The following MERTK variants were observed in gnomAD, a reference collection of about 807,000 sequenced individuals.
The protein encoded by MERTK is tyrosine-protein kinase Mer.
A neutral mutation model predicts 99.3 loss-of-function variants in MERTK; 69 were observed. The observed-to-expected ratio is 0.70, with a 90% CI of 0.57 to 0.85. The LOEUF (loss-of-function observed/expected upper bound fraction) is 0.85. Among genes scored for constraint, MERTK ranks in the 40% least tolerant of loss-of-function variants. The pLI is 0.00. For missense variants in MERTK, 1,125 were observed against 1,249.4 expected, an observed-to-expected ratio of 0.90 and a Z score of 1.50; for synonymous variants, 426 against 467.6, an observed-to-expected ratio of 0.91 and a Z score of 1.15.
chr2:112,005,098 C>T (rs983817706), intron 13 of MERTK, among the ~76,000 whole-genome samples: 8 of 151,956 alleles, frequency 5.3e-5, no homozygotes, highest in African/African-American at 1.7e-4. Context: ...GATGGAGTCT[C>T]ACTGTGTCAC....
chr2:111,965,082 C>A, intron 4 of MERTK, 109 bp from the exon 5 acceptor site: 1 of 1,101,886 alleles, frequency 9.1e-7, no homozygotes, highest in Non-Finnish European at 1.3e-6. Context: ...GCACTAATGC[C>A]CAAAAGCCAT....
intron 7 of MERTK, 61 bp downstream of exon 7, chr2:111,975,533 C>A: frequency 6.4e-7 from 1 of 1,554,702 alleles, no homozygotes; most frequent in Non-Finnish European, 8.9e-7. Context: ...ACAAACCCTT[C>A]CCAGTGGCCT....
intron 4 of MERTK, among the ~76,000 whole-genome samples, chr2:111,956,940 C>A (rs1573599071): frequency 7.2e-6 from 1 of 137,964 alleles, no homozygotes; most frequent in Non-Finnish European, 1.6e-5. Flanking sequence ...TTCTTTTTTT[C>A]TTTTTTCTTT....
intron 8 of MERTK, among the ~76,000 whole-genome samples, chr2:111,985,373 C>T (rs1313080497): frequency 1.3e-5 from 2 of 152,082 alleles, no homozygotes; most frequent in African/African-American, 2.4e-5. Flanking sequence ...GGTATTGCTG[C>T]CTCCTTTTGT....
At chr2:112,017,555 G>A (rs1677243767) in intron 15 of MERTK, among the ~76,000 whole-genome samples, 1 of 151,968 alleles carries the variant, frequency 6.6e-6, no homozygotes, top group African/African-American at 2.4e-5. Flanking sequence ...GCTTGAACCT[G>A]GGAGGGAGAG....
At chr2:111,955,258 G>T (rs11679801) in intron 4 of MERTK, among the ~76,000 whole-genome samples, 1 of 152,044 alleles carries the variant, frequency 6.6e-6, no homozygotes, top group South Asian at 2.1e-4. Context: ...CCTCTGTGTT[G>T]TATGAGCTTT....
At chr2:111,920,680 G>A (rs867696037) in intron 1 of MERTK, among the ~76,000 whole-genome samples, 2 of 151,588 alleles carry the variant, frequency 1.3e-5, no homozygotes, top group Non-Finnish European at 2.9e-5. Context: ...CCGAAACAGA[G>A]TCTCACTGTG....
At chr2:111,927,743 C>T (rs761472087) in intron 1 of MERTK, among the ~76,000 whole-genome samples, 18 of 152,158 alleles carry the variant, frequency 1.2e-4, no homozygotes, top group Non-Finnish European at 1.9e-4. Context: ...TTTGCTAAAT[C>T]GGGCACAACT....
chr2:111,992,102 T>G (rs1239321173), intron 8 of MERTK, among the ~76,000 whole-genome samples: 1 of 152,134 alleles, frequency 6.6e-6, no homozygotes, highest in Non-Finnish European at 1.5e-5. Flanking sequence ...TTAGAAGTCA[T>G]AAGACTCACA....
intron 15 of MERTK, among the ~76,000 whole-genome samples, chr2:112,012,400 C>T (rs1677125533): frequency 6.8e-6 from 1 of 147,804 alleles, no homozygotes; most frequent in South Asian, 2.2e-4. Context: ...AGAGAAGCTT[C>T]TTGTTTTTGG....
chr2:111,900,170 C>G (rs1684017088), intron 1 of MERTK, among the ~76,000 whole-genome samples: 1 of 152,080 alleles, frequency 6.6e-6, no homozygotes, highest in African/African-American at 2.4e-5. Context: ...AGTTTATAGT[C>G]AAGTAAGTTA....
At chr2:111,906,385 C>G (rs889664673) in intron 1 of MERTK, among the ~76,000 whole-genome samples, 8 of 152,174 alleles carry the variant, frequency 5.3e-5, no homozygotes, top group African/African-American at 1.9e-4. Flanking sequence ...TATTTTAAGC[C>G]TTAGGGCCTT....
At chr2:111,984,617 G>A (rs1676435555) in intron 8 of MERTK, among the ~76,000 whole-genome samples, 2 of 152,204 alleles carry the variant, frequency 1.3e-5, no homozygotes, top group South Asian at 4.1e-4. Context: ...GCCAAGGCAG[G>A]TAGAAATTTG....
intron 13 of MERTK, among the ~76,000 whole-genome samples, chr2:112,005,196 T>C (rs1285638902): frequency 2.6e-5 from 4 of 151,990 alleles, no homozygotes; most frequent in African/African-American, 4.8e-5. Context: ...GTCTCCTGAG[T>C]AGCTGGGATT....
intron 14 of MERTK, 112 bp downstream of exon 14, chr2:112,008,587 A>G (rs779287448): frequency 8.6e-6 from 7 of 817,792 alleles, no homozygotes; most frequent in African/African-American, 1.7e-5. Flanking sequence ...TAACCCCAAC[A>G]TAACTTATAA....
At chr2:111,921,802 A>G (rs1354147111) in intron 1 of MERTK, among the ~76,000 whole-genome samples, 1 of 152,088 alleles carries the variant, frequency 6.6e-6, no homozygotes, top group African/African-American at 2.4e-5. Context: ...TCTGTTGCCC[A>G]GGCTGATCTT....
chr2:111,918,087 C>T (rs1467454461), intron 1 of MERTK, among the ~76,000 whole-genome samples: 1 of 152,134 alleles, frequency 6.6e-6, no homozygotes, highest in Non-Finnish European at 1.5e-5. Context: ...TGGCAACCAC[C>T]ATCCTATCTA....
At chr2:111,932,255 C>T (rs1259875039) in intron 2 of MERTK, among the ~76,000 whole-genome samples, 11 of 152,160 alleles carry the variant, frequency 7.2e-5, no homozygotes, top group Non-Finnish European at 4.4e-5. Context: ...GACCTCGGCT[C>T]ACTGCAAACT....
At chr2:112,003,870 A>G (rs1411165950) in intron 12 of MERTK, 34 bp from the exon 13 acceptor site, 2 of 1,545,164 alleles carry the variant, frequency 1.3e-6, no homozygotes, top group East Asian at 4.5e-5. Flanking sequence ...AAGAGTTTGC[A>G]CAGTGTCCAT....
Sources: gnomAD v4.1 joint callset for allele counts (sites outside exome capture counted in the v4.1 genomes callset) on GRCh38, gnomAD v4.1.1 for gene constraint, MANE v1.5 for transcripts, NCBI Gene and HGNC (gene_info 2026-07-23, HGNC 2026-07-21) for gene names.